Variants in POLA1 observed in about 807,000 individuals in gnomAD.
The protein encoded by POLA1 is DNA polymerase alpha catalytic subunit.
POLA1 carries 15 observed loss-of-function variants against 124.0 expected under a neutral mutation model. That is an observed-to-expected ratio of 0.12 (90% CI 0.08 to 0.19). The LOEUF is 0.19. Ranked by LOEUF, POLA1 falls within the 10% of genes least tolerant of loss-of-function variation. The pLI is 1.00. For missense variants in POLA1, 886 were observed against 1,103.4 expected, an observed-to-expected ratio of 0.80 and a Z score of 2.79; for synonymous variants, 408 against 389.4, an observed-to-expected ratio of 1.05 and a Z score of -0.56.
At chrX:24,980,496 G>T (rs1056723817) in intron 36 of POLA1, among the ~76,000 whole-genome samples, 1 of 112,096 alleles carries the variant, frequency 8.9e-6, no homozygotes, top group Non-Finnish European at 1.9e-5. Context: ...CCTTCTTTGT[G>T]TAATGTGCAG....
At chrX:24,906,525 G>C (rs751269973) in intron 35 of POLA1, among the ~76,000 whole-genome samples, 1 of 108,043 alleles carries the variant, frequency 9.3e-6, no homozygotes, top group Non-Finnish European at 1.9e-5. Flanking sequence ...GGGACTTGGG[G>C]GGAAGGATGG....
At chrX:24,780,890 C>T (rs2045247969) in intron 26 of POLA1, among the ~76,000 whole-genome samples, 1 of 111,689 alleles carries the variant, frequency 9.0e-6, no homozygotes, top group Non-Finnish European at 1.9e-5. Context: ...GGTATTATTT[C>T]ATCTTTAAAT....
At chrX:24,930,845 G>T (rs1384379747) in intron 36 of POLA1, among the ~76,000 whole-genome samples, 1 of 112,520 alleles carries the variant, frequency 8.9e-6, no homozygotes, top group Non-Finnish European at 1.9e-5. Flanking sequence ...TTTCTACAGA[G>T]TTTAGTAACT....
At chrX:24,806,014 G>GTT (rs2045790433) in intron 26 of POLA1, among the ~76,000 whole-genome samples, 1 of 76,805 alleles carries the variant, frequency 1.3e-5, no homozygotes, top group African/African-American at 5.1e-5. Flanking sequence ...ATGTATAAGT[G>GTT]TTTGATTGTT....
intron 34 of POLA1, among the ~76,000 whole-genome samples, chrX:24,857,649 T>C (rs2046663636): frequency 8.9e-6 from 1 of 111,771 alleles, no homozygotes; most frequent in Non-Finnish European, 1.9e-5. Context: ...ACCTTTTGGT[T>C]CTCAAAAGAG....
intron 8 of POLA1, 151 bp from the exon 9 acceptor site, chrX:24,717,139 T>C (rs1350744580): frequency 3.6e-6 from 2 of 552,374 alleles, no homozygotes; most frequent in African/African-American, 4.7e-5. Flanking sequence ...AACACCCAAT[T>C]TGGAGATTAA....
intron 32 of POLA1, among the ~76,000 whole-genome samples, chrX:24,835,116 C>T (rs986947581): frequency 1.5e-4 from 16 of 108,180 alleles, no homozygotes; most frequent in Non-Finnish European, 2.3e-4. Flanking sequence ...GGTGCGATCT[C>T]GGATCACGAC....
chrX:24,902,006 A>ACG (rs2047287101), intron 35 of POLA1, among the ~76,000 whole-genome samples: 2 of 109,050 alleles, frequency 1.8e-5, no homozygotes, highest in African/African-American at 6.6e-5. Context: ...ATGTGCGTGC[A>ACG]CACACACACA....
chrX:24,943,072 T>C (rs1245300473), intron 36 of POLA1, among the ~76,000 whole-genome samples: 2 of 112,689 alleles, frequency 1.8e-5, no homozygotes, highest in Admixed American at 1.9e-4. Context: ...TTGAAAGAAA[T>C]TGATCCATCC....
chrX:24,936,169 CA>C (rs1332439022), intron 36 of POLA1, among the ~76,000 whole-genome samples: 1 of 112,205 alleles, frequency 8.9e-6, no homozygotes, highest in African/African-American at 3.2e-5. Flanking sequence ...ACAAAGACAA[CA>C]GCTAGTACTG....
intron 35 of POLA1, among the ~76,000 whole-genome samples, chrX:24,909,317 A>G (rs911148224): frequency 1.5e-4 from 17 of 112,067 alleles, no homozygotes; most frequent in Non-Finnish European, 2.3e-4. Flanking sequence ...TCCCATGCCT[A>G]TGTCCTGAAT....
chrX:24,814,840 C>T, intron 29 of POLA1, 139 bp from the exon 30 acceptor site: 8 of 525,652 alleles, frequency 1.5e-5, no homozygotes, highest in Non-Finnish European at 2.2e-5. Flanking sequence ...GACATTAACC[C>T]TCATATTAGC....
intron 36 of POLA1, among the ~76,000 whole-genome samples, chrX:24,944,993 G>A (rs926852576): frequency 1.8e-4 from 20 of 111,771 alleles, no homozygotes; most frequent in Non-Finnish European, 3.6e-4. Flanking sequence ...ATAGGGTAGT[G>A]ATTAAAAACT....
chrX:24,781,858 A>G (rs2045270260), intron 26 of POLA1, among the ~76,000 whole-genome samples: 1 of 111,796 alleles, frequency 8.9e-6, no homozygotes, highest in Admixed American at 9.5e-5. Flanking sequence ...AGTGGAATCC[A>G]TTTTCTGATC....
intron 34 of POLA1, among the ~76,000 whole-genome samples, chrX:24,884,088 T>G (rs1177579829): frequency 8.9e-6 from 1 of 111,880 alleles, no homozygotes; most frequent in African/African-American, 3.2e-5. Context: ...CAGTATGAGA[T>G]CTTATAAGAT....
intron 35 of POLA1, among the ~76,000 whole-genome samples, chrX:24,910,105 G>A (rs1601860479): frequency 9.3e-6 from 1 of 106,985 alleles, no homozygotes; most frequent in African/African-American, 3.4e-5. Context: ...AGACTTTGCT[G>A]AAGTTGCTTA....
intron 36 of POLA1, among the ~76,000 whole-genome samples, chrX:24,969,213 A>C (rs1035527965): frequency 1.8e-5 from 2 of 110,861 alleles, no homozygotes; most frequent in African/African-American, 3.3e-5. Flanking sequence ...GTCTCAAAAA[A>C]AAAAAAAGAA....
chrX:24,877,270 C>T (rs766515925), intron 34 of POLA1, among the ~76,000 whole-genome samples: 1 of 111,462 alleles, frequency 9.0e-6, no homozygotes, highest in African/African-American at 3.3e-5. Context: ...TACCCATTTG[C>T]GGCATTGAAA....
At chrX:24,739,637 A>G in intron 20 of POLA1, 87 bp downstream of exon 20, 4 of 558,488 alleles carry the variant, frequency 7.2e-6, no homozygotes, top group Admixed American at 4.3e-5. Flanking sequence ...CTGGAGGGAC[A>G]TGAGCCAGTG....
Sources: allele counts gnomAD v4.1 joint callset (sites outside exome capture counted in the v4.1 genomes callset), GRCh38; gene constraint gnomAD v4.1.1; transcripts MANE v1.5; gene names NCBI Gene and HGNC (gene_info 2026-07-23, HGNC 2026-07-21).